DNAH5: variants seen among roughly 807,000 people sequenced by gnomAD.
The protein encoded by DNAH5 is dynein axonemal heavy chain 5, also known as axonemal beta dynein heavy chain 5.
A neutral mutation model predicts 518.2 loss-of-function variants in DNAH5; 372 were observed. That is an observed-to-expected ratio of 0.72 (90% CI 0.66 to 0.78). The LOEUF (loss-of-function observed/expected upper bound fraction) is 0.78, where lower values mean the gene tolerates loss of function less well. Ranked by LOEUF, DNAH5 falls within the 30% of genes least tolerant of loss-of-function variation. DNAH5 has a pLI of 0.00. For synonymous variants in DNAH5, 2,039 were observed against 2,025.9 expected (o/e 1.01, Z -0.17); for missense variants, 5,523 against 5,687.0 (o/e 0.97, Z 0.93).
chr5:13,778,389 A>G lies in DNAH5; in HGVS notation c.8952-1034T>C, dbSNP rs1754418868. On this transcript the variant is annotated intron_variant, in intron 53 of 78. Transcript: ENST00000265104. ...GAGAGATCAGAAAACAAATACTTCT[A>G]GAAGACACCTAGAGAAGTGAGATCC... Among the ~76,000 whole-genome samples, 8 of 150,750 alleles carry G rather than the reference A, an allele frequency of 5.3e-5. No homozygotes were observed. The Admixed American group carries it at 5.3e-4, about 10-fold the overall frequency.
chr5:13,844,801 C>T (rs868518466), intron 32 of DNAH5, 36 bp downstream of exon 32: 6 of 1,613,554 alleles, frequency 3.7e-6, no homozygotes, highest in East Asian at 4.5e-5. Flanking sequence ...TTCGAAGGTA[C>T]GGTGATTGTT....
intron 12 of DNAH5, among the ~76,000 whole-genome samples, chr5:13,904,345 G>T (rs1286285258): frequency 6.7e-6 from 1 of 149,064 alleles, no homozygotes; most frequent in Non-Finnish European, 1.5e-5. Context: ...ATGTTATATA[G>T]AGAGATATGG....
At chr5:13,791,175 A>G (rs554812961) in intron 50 of DNAH5, among the ~76,000 whole-genome samples, 47 of 152,252 alleles carry the variant, frequency 3.1e-4, no homozygotes, top group Non-Finnish European at 4.7e-4. Context: ...TTTTTTTAGT[A>G]ATCAACACTT....
chr5:13,695,038 A>G (rs978569167), intron 78 of DNAH5, among the ~76,000 whole-genome samples: 21 of 152,214 alleles, frequency 1.4e-4, no homozygotes, highest in Non-Finnish European at 5.9e-5. Context: ...AATGAAACCT[A>G]GTCAGAATGG....
At chr5:13,833,635 G>A (rs889423421) in intron 35 of DNAH5, among the ~76,000 whole-genome samples, 1 of 152,036 alleles carries the variant, frequency 6.6e-6, no homozygotes, top group East Asian at 1.9e-4. Context: ...CAGCTGCTAG[G>A]GGCAGAGCTG....
chr5:13,690,938 A>T lies in DNAH5; in HGVS notation c.*1046T>A, dbSNP rs566197457. 13 of 152,160 alleles carry T rather than the reference A, an allele frequency of 8.5e-5. No homozygotes were observed. The highest frequency in any genetic ancestry group is 6.5e-4 in the Admixed American group (10 of 15,270). 9.4% of individuals were successfully genotyped at this position (152,160 alleles called of 1,614,324 possible). On this transcript the variant is annotated 3_prime_UTR_variant, in exon 79 of 79. Coordinates refer to ENST00000265104, the MANE Select transcript of DNAH5 (RefSeq NM_001369.3). ...TCTTATTTTTCTATCTTGCCATCTA[A>T]TCTTTGTCCACATGCAAATATATTT... is the stretch of plus-strand genomic sequence containing the variant.
At chr5:13,896,435 C>A (rs1051034031) in intron 15 of DNAH5, among the ~76,000 whole-genome samples, 6 of 152,160 alleles carry the variant, frequency 3.9e-5, no homozygotes, top group Non-Finnish European at 5.9e-5. Flanking sequence ...CTCAATTATA[C>A]CTGTCCTGAC....
At chr5:13,740,367 C>T (rs1246405723) in intron 65 of DNAH5, among the ~76,000 whole-genome samples, 1 of 152,114 alleles carries the variant, frequency 6.6e-6, no homozygotes, top group Non-Finnish European at 1.5e-5. Context: ...CCTCCAGTGG[C>T]CAATCTTTCC....
At chr5:13,852,095 C>A (rs6872290) in intron 30 of DNAH5, among the ~76,000 whole-genome samples, 15,721 of 30,788 alleles carry the variant, frequency 0.51, 946 homozygotes, top group Non-Finnish European at 0.52. Context: ...CAGGTGCCTA[C>A]CCCACAAGGG....
intron 1 of DNAH5, among the ~76,000 whole-genome samples, chr5:13,936,754 G>T (rs1264717218): frequency 6.6e-6 from 1 of 152,142 alleles, no homozygotes; most frequent in Admixed American, 6.5e-5. Flanking sequence ...TCTTTTAATT[G>T]TACAAATGTT....
intron 63 of DNAH5, 70 bp from the exon 64 acceptor site, chr5:13,752,359 T>G: frequency 1.3e-6 from 2 of 1,542,310 alleles, no homozygotes; most frequent in Non-Finnish European, 1.8e-6. Flanking sequence ...ATAACTGTTT[T>G]CAAATGAAGC....
rs10040572 is a variant in DNAH5, at chr5:13,774,119, G to A, written c.9373+2320C>T. On this transcript the variant is annotated intron_variant, in intron 55 of 78. Coordinates refer to ENST00000265104, the MANE Select transcript of DNAH5 (RefSeq NM_001369.3). ...ATGCAACTGTATTTGTGTTTTTACCGTTTTTCTGTCTGCAATGTGAGATGG... is the reference window on the plus strand; with the variant it reads ...ATGCAACTGTATTTGTGTTTTTACCATTTTTCTGTCTGCAATGTGAGATGG... Among the ~76,000 whole-genome samples the A allele has an allele frequency of 1.2e-3, 178 of 152,210 alleles. 1 individual carries two copies. Among genetic ancestry groups the A allele is most frequent in the African/African-American group, 4.2e-3 (174 of 41,546 alleles).
At chr5:13,784,203 A>T (rs1487602732) in intron 52 of DNAH5, among the ~76,000 whole-genome samples, 1 of 152,208 alleles carries the variant, frequency 6.6e-6, no homozygotes, top group African/African-American at 2.4e-5. Context: ...TGTCTCCAGC[A>T]GGCAGGCTAT....
intron 12 of DNAH5, among the ~76,000 whole-genome samples, chr5:13,904,675 C>T (rs950598551): frequency 2.6e-5 from 4 of 152,006 alleles, no homozygotes; most frequent in African/African-American, 7.2e-5. Flanking sequence ...CATTGGGAGG[C>T]CAAGGTTGGC....
At chr5:13,925,522 C>T (rs1412749728) in intron 3 of DNAH5, among the ~76,000 whole-genome samples, 1 of 152,128 alleles carries the variant, frequency 6.6e-6, no homozygotes, top group Non-Finnish European at 1.5e-5. Context: ...GGGGAAGCCT[C>T]ACAATCATAG....
At chr5:13,695,636 T>G (rs896644420) in intron 78 of DNAH5, among the ~76,000 whole-genome samples, 1 of 152,202 alleles carries the variant, frequency 6.6e-6, no homozygotes, top group Non-Finnish European at 1.5e-5. Context: ...AATTACCCAG[T>G]GTCTCCAAGC....
At chr5:13,949,787 A>C (rs141099337) in intron 1 of DNAH5, among the ~76,000 whole-genome samples, 40 of 152,368 alleles carry the variant, frequency 2.6e-4, no homozygotes, top group African/African-American at 9.4e-4. Context: ...AGACTGTCTA[A>C]GAAGTATCTC....
intron 10 of DNAH5, among the ~76,000 whole-genome samples, 175 bp from the exon 11 acceptor site, chr5:13,914,133 T>G (rs1776365042): frequency 6.6e-6 from 1 of 152,122 alleles, no homozygotes; most frequent in African/African-American, 2.4e-5. Flanking sequence ...TCCTCTAATC[T>G]AGCAATTCTA....
At position 13,944,553 on chromosome 5, in the gene DNAH5, C is replaced by G; in HGVS notation, c.-115G>C. 1 of 855,442 alleles carries G rather than the reference C, an allele frequency of 1.2e-6. No individual in the cohort carries two copies. The highest frequency in any genetic ancestry group is 1.4e-5 in the South Asian group (1 of 71,194). 53.0% of individuals were successfully genotyped at this position (855,442 alleles called of 1,614,324 possible). ...AATGGAAAGTTTTACTTCCATTTTA[C>G]TTTCACGTTTCTAATTTGCATGTAT... is the stretch of plus-strand genomic sequence containing the variant. On this transcript the variant is annotated 5_prime_UTR_variant, in exon 1 of 79. Coordinates refer to ENST00000265104, the MANE Select transcript of DNAH5 (RefSeq NM_001369.3).
Sources: allele counts gnomAD v4.1 joint callset (sites outside exome capture counted in the v4.1 genomes callset), GRCh38; gene constraint gnomAD v4.1.1; transcripts MANE v1.5; gene names NCBI Gene and HGNC (gene_info 2026-07-23, HGNC 2026-07-21).